Variants in ADAM23 observed in about 807,000 individuals in gnomAD.
ADAM23 encodes disintegrin and metalloproteinase domain-containing protein 23.
Under a neutral mutation model 120.1 loss-of-function variants are expected in ADAM23, and 33 were observed. That is an observed-to-expected ratio of 0.27 (90% confidence interval 0.21 to 0.37). The LOEUF is 0.37. Ranked by LOEUF, ADAM23 falls within the 10% of genes least tolerant of loss-of-function variation. The pLI, the probability that ADAM23 is intolerant of heterozygous loss-of-function variation, is 1.00. For synonymous variants in ADAM23, 367 were observed against 375.2 expected (o/e 0.98, Z 0.25); for missense variants, 862 against 1,058.2 (o/e 0.81, Z 2.57).
At chr2:206,473,044 C>T (rs527716745) in intron 2 of ADAM23, among the ~76,000 whole-genome samples, 10 of 152,110 alleles carry the variant, frequency 6.6e-5, no homozygotes, top group Non-Finnish European at 1.2e-4. Context: ...TGTATGTTTT[C>T]GGGCATTTTT....
At chr2:206,529,330 A>C (rs891643148) in intron 3 of ADAM23, among the ~76,000 whole-genome samples, 1 of 152,192 alleles carries the variant, frequency 6.6e-6, no homozygotes, top group Non-Finnish European at 1.5e-5. Context: ...CTATTTAAAA[A>C]ATAGGTTTTA....
At chr2:206,565,098 T>C (rs778530978) in intron 14 of ADAM23, 30 bp downstream of exon 14, 2 of 1,611,444 alleles carry the variant, frequency 1.2e-6, no homozygotes, top group East Asian at 2.2e-5. Context: ...GCATTTGATA[T>C]ATGCCTTTTG....
intron 25 of ADAM23, among the ~76,000 whole-genome samples, chr2:206,613,942 A>C (rs1698884299): frequency 2.0e-5 from 3 of 152,198 alleles, no homozygotes; most frequent in Non-Finnish European, 4.4e-5. Context: ...AAAAGAAATG[A>C]AGGTAATAGT....
intron 3 of ADAM23, among the ~76,000 whole-genome samples, chr2:206,523,615 G>A (rs1381291050): frequency 6.6e-6 from 1 of 151,978 alleles, no homozygotes; most frequent in Admixed American, 6.6e-5. Context: ...ACTATTTTAG[G>A]TGGTATGAGT....
chr2:206,617,824 CCA>C lies in ADAM23; in HGVS notation c.*199_*200del. 1 of 1,191,450 alleles carries C rather than the reference CCA, an allele frequency of 8.4e-7. No individual in the cohort carries two copies. Among genetic ancestry groups the C allele is most frequent in the South Asian group, 2.2e-5 (1 of 44,532 alleles). 73.8% of individuals were successfully genotyped at this position (1,191,450 alleles called of 1,614,324 possible). A position where few individuals can be genotyped will look rare whatever the true frequency, so the allele number is the denominator to read the frequency against. Reference sequence around the variant, plus strand: ...AAATAATGTCAAAGAACACCTTTCACCACCTGTCAGTAAACGGGGGAGGGGGC... The same window carrying C: ...AAATAATGTCAAAGAACACCTTTCACCCTGTCAGTAAACGGGGGAGGGGGC... On this transcript the variant is annotated 3_prime_UTR_variant, in exon 26 of 26. Transcript: ENST00000264377.
In ADAM23 at chr2:206,481,275, G is replaced by A; in HGVS notation, c.476G>A (p.Gly159Asp). ...GCAAGCTTCCAGATTGAAGCCTTCG[G>A]CTCCAAATTCATTCTTGACCTCATA... Reference protein sequence around the residue: ...AQASFQIEAFGSKFILDLILN... With the variant: ...AQASFQIEAFDSKFILDLILN... Residue 159 changes from glycine (G) to aspartate (D), a missense_variant, in exon 3 of 26, where the codon GGC becomes GAC. By Grantham distance (94) the Gly-to-Asp change is moderately conservative. Around this residue, in one of 4 missense-constraint regions of ADAM23, gnomAD observed 617 missense variants for 813.5 expected, o/e 0.76. Coordinates refer to ENST00000264377, the MANE Select transcript of ADAM23 (RefSeq NM_003812.4). 1 of 1,609,342 alleles carries A rather than the reference G, an allele frequency of 6.2e-7. No homozygotes were observed. The highest frequency in any genetic ancestry group is 8.5e-7 in the Non-Finnish European group (1 of 1,178,138).
chr2:206,547,332 C>A, intron 6 of ADAM23, 97 bp from the exon 7 acceptor site: 3 of 907,124 alleles, frequency 3.3e-6, no homozygotes, highest in Admixed American at 2.6e-5. Context: ...ATAAATATTC[C>A]CATTTTAGGA....
intron 3 of ADAM23, among the ~76,000 whole-genome samples, chr2:206,498,551 C>G (rs371865002): frequency 1.4e-4 from 22 of 152,136 alleles, no homozygotes; most frequent in Non-Finnish European, 2.8e-4. Context: ...AAAAACCCTA[C>G]AAGAAAACCT....
At chr2:206,506,093 CAGACA>C (rs1696491469) in intron 3 of ADAM23, among the ~76,000 whole-genome samples, 1 of 152,116 alleles carries the variant, frequency 6.6e-6, no homozygotes, top group Admixed American at 6.5e-5. Flanking sequence ...CTAGAGTTCT[CAGACA>C]AGACAAAATA....
intron 3 of ADAM23, among the ~76,000 whole-genome samples, chr2:206,489,100 C>T (rs1228841421): frequency 6.6e-6 from 1 of 152,186 alleles, no homozygotes; most frequent in Non-Finnish European, 1.5e-5. Context: ...GGCCTCCTGC[C>T]TCATTTTTCT....
At chr2:206,542,762 A>T (rs1166388573) in intron 5 of ADAM23, among the ~76,000 whole-genome samples, 1 of 152,192 alleles carries the variant, frequency 6.6e-6, no homozygotes, top group Non-Finnish European at 1.5e-5. Flanking sequence ...ATACTGCTTG[A>T]TGGCAGTTCA....
chr2:206,444,100 CT>C lies in ADAM23; in HGVS notation c.214+23del. 1 of 1,290,208 alleles carries C rather than the reference CT, an allele frequency of 7.8e-7. No individual in the cohort carries two copies. The highest frequency in any genetic ancestry group is 9.8e-7 in the Non-Finnish European group (1 of 1,017,676). 79.9% of individuals were successfully genotyped at this position (1,290,208 alleles called of 1,614,324 possible). A position where few individuals can be genotyped will look rare whatever the true frequency, so the allele number is the denominator to read the frequency against. On this transcript the variant is annotated intron_variant, in intron 1 of 25. Transcript: ENST00000264377. ...CCAGCGGTGGGTATGGCCCCGTGCC[CT>C]TTGCGTTGGCTTTCCCGCGGGGCCC...
chr2:206,488,842 G>T (rs1190957898), intron 3 of ADAM23, among the ~76,000 whole-genome samples: 1 of 152,154 alleles, frequency 6.6e-6, no homozygotes, highest in Non-Finnish European at 1.5e-5. Context: ...GACTCCACAG[G>T]AAGTGGCAGG....
chr2:206,476,472 T>C (rs1208575409), intron 2 of ADAM23, among the ~76,000 whole-genome samples: 1 of 152,122 alleles, frequency 6.6e-6, no homozygotes, highest in Non-Finnish European at 1.5e-5. Context: ...GAGTTCCACC[T>C]CCTGTCAGAT....
chr2:206,443,856 A>G lies in ADAM23; in HGVS notation c.-11A>G, dbSNP rs1691406638. On this transcript the variant is annotated 5_prime_UTR_variant, in exon 1 of 26. Transcript: ENST00000264377. ...CCGGCCACACGGAGCGGCGCCCGGG[A>G]GCTATGAGCCATGAAGCCGCCCGGC... 27 of 1,121,260 alleles carry G rather than the reference A, an allele frequency of 2.4e-5. No homozygotes were observed. The highest frequency in any genetic ancestry group is 2.8e-5 in the Non-Finnish European group (26 of 919,022). 69.5% of individuals were successfully genotyped at this position (1,121,260 alleles called of 1,614,324 possible).
intron 22 of ADAM23, among the ~76,000 whole-genome samples, chr2:206,593,360 T>C (rs1698462323): frequency 6.6e-6 from 1 of 152,178 alleles, no homozygotes; most frequent in African/African-American, 2.4e-5. Context: ...CTCAATGGTA[T>C]TGTTGTTGCT....
chr2:206,564,941 G>A lies in ADAM23; in HGVS notation c.1346-79G>A, dbSNP rs1282176329. The A allele has an allele frequency of 8.4e-6, 12 of 1,427,956 alleles. No individual in the cohort carries two copies. The African/African-American group carries it at 1.5e-4, about 18-fold the overall frequency. 88.5% of individuals were successfully genotyped at this position (1,427,956 alleles called of 1,614,324 possible). On this transcript the variant is annotated intron_variant, in intron 13 of 25. Coordinates refer to ENST00000264377, the MANE Select transcript of ADAM23 (RefSeq NM_003812.4). ...GAATTGGTAATAAAGAATTATTGTAGGAGTTGTAATACCAAAAAAATATGT... is the reference window on the plus strand; with the variant it reads ...GAATTGGTAATAAAGAATTATTGTAAGAGTTGTAATACCAAAAAAATATGT...
chr2:206,514,406 C>A (rs1026664019), intron 3 of ADAM23, among the ~76,000 whole-genome samples: 1 of 152,080 alleles, frequency 6.6e-6, no homozygotes, highest in Non-Finnish European at 1.5e-5. Context: ...TCACTGCAGA[C>A]GTGGTAGAAA....
intron 2 of ADAM23, among the ~76,000 whole-genome samples, chr2:206,470,487 A>G (rs1038423515): frequency 6.6e-6 from 1 of 152,178 alleles, no homozygotes; most frequent in African/African-American, 2.4e-5. Flanking sequence ...TGGAAGTTCG[A>G]TATTAGAGAA....
Sources: allele counts gnomAD v4.1 joint callset (sites outside exome capture counted in the v4.1 genomes callset), GRCh38; gene constraint gnomAD v4.1.1; regional missense constraint gnomAD v4.1.1; transcripts MANE v1.5; gene names NCBI Gene and HGNC (gene_info 2026-07-23, HGNC 2026-07-21).